The following TRIOBP variants were observed in gnomAD, a reference collection of about 807,000 sequenced individuals.
TRIOBP encodes TRIO and F-actin binding protein.
In TRIOBP, 169 loss-of-function variants were observed where a neutral mutation model predicts 238.8. The ratio of observed to expected loss-of-function variants is 0.71; its 90% CI spans 0.62 to 0.80. The LOEUF is 0.80. TRIOBP is among the 30% of genes least tolerant of loss of function. TRIOBP has a pLI of 0.00. For synonymous variants in TRIOBP, 1,150 were observed against 1,274.4 expected (o/e 0.90, Z 2.08); for missense variants, 2,838 against 3,122.6 (o/e 0.91, Z 2.17).
In TRIOBP at chr22:37,735,206, C is replaced by A. The variant is rs1181680656; in HGVS notation, c.4870C>A (p.Gln1624Lys). The change falls in exon 9 of 24, where the codon CAG becomes AAG. Residue 1624 changes from glutamine (Q) to lysine (K), a missense_variant. Coordinates refer to ENST00000644935, the MANE Select transcript of TRIOBP (RefSeq NM_001039141.3). ...CCCAGGCACAAACGATGTCCCTGAG[C>A]AGGAGTCACACAGCCAGCCAGAAGG... ...GPPGTNDVPE[Q>K]ESHSQPEGWA... 2 of 1,608,168 alleles carry A rather than the reference C, an allele frequency of 1.2e-6. No individual in the cohort carries two copies. Among genetic ancestry groups the A allele is most frequent in the South Asian group, 2.2e-5 (2 of 90,946 alleles).
intron 11 of TRIOBP, among the ~76,000 whole-genome samples, chr22:37,746,052 T>TCCCGCCGC (rs1317370227): frequency 2.4e-5 from 3 of 123,254 alleles, no homozygotes; most frequent in East Asian, 2.2e-4. Context: ...CACCCCGCCG[T>TCCCGCCGC]CCCGCCGTCC....
intron 9 of TRIOBP, 131 bp downstream of exon 9, chr22:37,735,573 C>A: frequency 1.9e-6 from 2 of 1,070,852 alleles, no homozygotes; most frequent in Non-Finnish European, 2.8e-6. Context: ...CTCAGCCTCC[C>A]TGCTGACCAC....
Position 37,726,048 on chromosome 22 carries a change from G to A in TRIOBP, c.3492G>A (p.Val1164=), listed in dbSNP as rs1313807704. ...LHECPHIPTP[V]CIGHRDAPSF... is the part of the protein sequence containing the mutation. ...AGTGCCCCCACATCCCCACCCCTGT[G>A]TGCATTGGGCACCGGGATGCACCCT... Residue 1164 remains valine, a synonymous_variant, in exon 7 of 24, where the codon GTG becomes GTA. Coordinates refer to ENST00000644935, the MANE Select transcript of TRIOBP (RefSeq NM_001039141.3). 3.1e-5 allele frequency: 50 copies of A among 1,610,940 alleles called. 1 individual carries two copies. The highest frequency in any genetic ancestry group is 4.0e-5 in the Non-Finnish European group (47 of 1,178,860).
Position 37,723,208 on chromosome 22 carries a change from G to T in TRIOBP, c.652G>T (p.Ala218Ser). 1 of 1,613,704 alleles carries T rather than the reference G, an allele frequency of 6.2e-7. No homozygotes were observed. The highest frequency in any genetic ancestry group is 8.5e-7 in the Non-Finnish European group (1 of 1,179,802). ...AGACACCGGCGGTGGGGGCCGGAGCGCAGGACAGCACTGGGCAAGGCTCCG... is the reference window on the plus strand; with the variant it reads ...AGACACCGGCGGTGGGGGCCGGAGCTCAGGACAGCACTGGGCAAGGCTCCG... ...KEDTGGGGRS[A>S]GQHWARLRGE... is the part of the protein sequence containing the mutation. Residue 218 changes from alanine (A) to serine (S), a missense_variant, in exon 7 of 24, where the codon GCA (alanine) becomes TCA (serine). Physicochemically the swap from Ala to Ser is moderately conservative, Grantham distance 99. Coordinates refer to ENST00000644935, the MANE Select transcript of TRIOBP (RefSeq NM_001039141.3).
chr22:37,769,291 A>C lies in TRIOBP; in HGVS notation c.6765A>C (p.Ile2255=), dbSNP rs1422326880. 1.2e-6 allele frequency: 2 copies of C among 1,612,040 alleles called. No homozygotes were observed. The highest frequency in any genetic ancestry group is 1.7e-6 in the Non-Finnish European group (2 of 1,179,552). The change falls in exon 21 of 24, where the codon ATA becomes ATC. Residue 2255 remains isoleucine (I), a synonymous_variant. Coordinates refer to ENST00000644935, the MANE Select transcript of TRIOBP (RefSeq NM_001039141.3). The part of the protein sequence containing the change: ...QELHGRLSEE[I]DQLRGFIASQ... ...TGCATGGCCGCCTGTCAGAGGAGAT[A>C]GACCAGCTGCGCGGCTTCATTGCCT...
At chr22:37,744,700 A>G (rs943420839) in intron 11 of TRIOBP, among the ~76,000 whole-genome samples, 2 of 152,106 alleles carry the variant, frequency 1.3e-5, no homozygotes, top group African/African-American at 4.8e-5. Context: ...TAGGGTGAGA[A>G]AACTCAGCCC....
chr22:37,731,857 TG>T (rs1924436336), intron 7 of TRIOBP, among the ~76,000 whole-genome samples: 1 of 152,248 alleles, frequency 6.6e-6, no homozygotes, highest in African/African-American at 2.4e-5. Context: ...CCCAAAGTTC[TG>T]GGATTACAGG....
intron 11 of TRIOBP, among the ~76,000 whole-genome samples, chr22:37,749,497 G>A (rs1925463609): frequency 6.6e-6 from 1 of 152,152 alleles, no homozygotes; most frequent in Admixed American, 6.5e-5. Context: ...GTGAGAACCT[G>A]CCAGTACTCC....
At chr22:37,713,153 T>C in intron 4 of TRIOBP, 57 bp from the exon 5 acceptor site, 4 of 1,491,590 alleles carry the variant, frequency 2.7e-6, no homozygotes, top group Non-Finnish European at 3.7e-6. Context: ...TATGCCTGGG[T>C]GGGGTGGGGG....
intron 21 of TRIOBP, among the ~76,000 whole-genome samples, chr22:37,770,205 G>C (rs1035568382): frequency 6.7e-6 from 1 of 149,364 alleles, no homozygotes; most frequent in African/African-American, 2.5e-5. Context: ...TTGGGAGGCC[G>C]AGGCGGGCAG....
At chr22:37,746,215 G>GAGAAA in intron 11 of TRIOBP, 1 of 968,048 alleles carries the variant, frequency 1.0e-6, no homozygotes, top group Non-Finnish European at 1.2e-6. Context: ...CAGGAAGTTT[G>GAGAAA]AAAAAAAAAA....
rs759563843 is a variant in TRIOBP at position 37,754,997 on chromosome 22, G to C, written c.5487+13G>C. The stretch of plus-strand genomic sequence containing the variant: ...CACTGCTGAGGAGGTGAGGCCATGG[G>C]TGTACTGATGAACCCCCGGAAGGGC... On this transcript the variant is annotated intron_variant, in intron 13 of 23. Transcript: ENST00000644935. 6.2e-7 allele frequency: 1 copy of C among 1,613,652 alleles called. No individual in the cohort carries two copies. Among genetic ancestry groups the C allele is most frequent in the East Asian group, 2.2e-5 (1 of 44,876 alleles).
At chr22:37,714,887 G>C (rs1183051350) in intron 5 of TRIOBP, among the ~76,000 whole-genome samples, 1 of 152,042 alleles carries the variant, frequency 6.6e-6, no homozygotes, top group African/African-American at 2.4e-5. Context: ...TCACTGTGTT[G>C]CCCAGCCTGG....
intron 7 of TRIOBP, 45 bp downstream of exon 7, chr22:37,726,548 T>G: frequency 2.8e-6 from 4 of 1,428,840 alleles, no homozygotes; most frequent in Non-Finnish European, 2.7e-6. Context: ...GGGAGGAGGC[T>G]CGGCAGCAGG....
intron 16 of TRIOBP, among the ~76,000 whole-genome samples, 156 bp downstream of exon 16, chr22:37,758,294 A>G (rs943125259): frequency 6.6e-6 from 1 of 152,156 alleles, no homozygotes; most frequent in Non-Finnish European, 1.5e-5. Context: ...GCGAACTAGA[A>G]TCTTCTTCCT....
intron 2 of TRIOBP, among the ~76,000 whole-genome samples, chr22:37,698,491 T>A (rs979309863): frequency 6.7e-6 from 1 of 149,220 alleles, no homozygotes; most frequent in Non-Finnish European, 1.5e-5. Flanking sequence ...GTAGCTGGGA[T>A]TACAGGCATG....
chr22:37,742,421 C>A (rs1232435394), intron 11 of TRIOBP, among the ~76,000 whole-genome samples: 2 of 151,944 alleles, frequency 1.3e-5, no homozygotes, highest in Non-Finnish European at 2.9e-5. Flanking sequence ...TGCCACCACA[C>A]CTGGCTAATT....
intron 21 of TRIOBP, among the ~76,000 whole-genome samples, chr22:37,770,691 CT>C (rs953236484): frequency 2.3e-4 from 33 of 142,482 alleles, no homozygotes; most frequent in South Asian, 2.2e-4. Flanking sequence ...TTTTATTTCT[CT>C]TTTTTTTTTT....
intron 11 of TRIOBP, among the ~76,000 whole-genome samples, chr22:37,748,842 G>A (rs1464171213): frequency 6.6e-6 from 1 of 152,150 alleles, no homozygotes; most frequent in Non-Finnish European, 1.5e-5. Context: ...GGGTCTTAAG[G>A]CCTGAGTAGC....
Sources: gnomAD v4.1 joint callset for allele counts (sites outside exome capture counted in the v4.1 genomes callset) on GRCh38, gnomAD v4.1.1 for gene constraint, MANE v1.5 for transcripts, NCBI Gene and HGNC (gene_info 2026-07-23, HGNC 2026-07-21) for gene names.